LEMD3: variants seen among roughly 807,000 people sequenced by gnomAD.
LEMD3 encodes the protein LEM domain containing 3.
A neutral mutation model predicts 95.2 loss-of-function variants in LEMD3; 33 were observed. The ratio of observed to expected loss-of-function variants is 0.35; its 90% CI spans 0.26 to 0.46. LEMD3 has a LOEUF of 0.46. Among genes scored for constraint, LEMD3 ranks in the 20% least tolerant of loss-of-function variants. The pLI is 1.00. For missense variants in LEMD3, 1,210 were observed against 1,192.8 expected, an observed-to-expected ratio of 1.01 and a Z score of -0.21; for synonymous variants, 525 against 474.6, an observed-to-expected ratio of 1.11 and a Z score of -1.38.
intron 1 of LEMD3, among the ~76,000 whole-genome samples, chr12:65,176,694 A>G (rs559215257): frequency 4.6e-5 from 7 of 152,342 alleles, no homozygotes; most frequent in Middle Eastern, 6.8e-3. Context: ...AGACTATACT[A>G]GAGATATAAT....
intron 2 of LEMD3, among the ~76,000 whole-genome samples, chr12:65,211,557 AATTAGTT>A (rs1869940360): frequency 6.6e-6 from 1 of 152,198 alleles, no homozygotes; most frequent in African/African-American, 2.4e-5. Context: ...TTAAGCTTGT[AATTAGTT>A]ATTAATTTTT....
chr12:65,245,461 G>A, intron 10 of LEMD3: 1 of 541,360 alleles, frequency 1.8e-6, no homozygotes, highest in Non-Finnish European at 3.3e-6. Context: ...TCTTTTACTG[G>A]AAAGTGGGAG....
chr12:65,245,820 T>C, intron 11 of LEMD3, 41 bp from the exon 12 acceptor site: 1 of 1,598,522 alleles, frequency 6.3e-7, no homozygotes, highest in African/African-American at 1.3e-5. Context: ...GATTTGTTGC[T>C]ATTAAACTAA....
At chr12:65,172,753 G>T (rs1356888208) in intron 1 of LEMD3, among the ~76,000 whole-genome samples, 1 of 147,356 alleles carries the variant, frequency 6.8e-6, no homozygotes, top group East Asian at 2.1e-4. Flanking sequence ...TTTAGACAGA[G>T]TCTAGCTCTG....
At chr12:65,246,060 CTTTA>C (rs902065934) in intron 12 of LEMD3, 98 bp from the exon 13 acceptor site, 25 of 1,254,414 alleles carry the variant, frequency 2.0e-5, no homozygotes, top group East Asian at 1.4e-4. Context: ...TTTTAGATGA[CTTTA>C]TTTATGTTTT....
At chr12:65,187,376 A>T (rs986446726) in intron 1 of LEMD3, among the ~76,000 whole-genome samples, 4 of 152,000 alleles carry the variant, frequency 2.6e-5, no homozygotes. Flanking sequence ...GTCTCTCAGT[A>T]CTGTGCTAAG....
intron 1 of LEMD3, among the ~76,000 whole-genome samples, chr12:65,196,573 A>G (rs566843204): frequency 1.3e-5 from 2 of 152,200 alleles, no homozygotes; most frequent in African/African-American, 4.8e-5. Flanking sequence ...CCCATGATTC[A>G]CAGCCTTCTC....
chr12:65,244,455 CCTCT>C (rs1871035471), intron 10 of LEMD3, among the ~76,000 whole-genome samples: 1 of 152,126 alleles, frequency 6.6e-6, no homozygotes. Flanking sequence ...AAGTCACTTT[CCTCT>C]CTCTCCTGCC....
intron 1 of LEMD3, among the ~76,000 whole-genome samples, chr12:65,174,642 C>A (rs1410995827): frequency 6.6e-6 from 1 of 151,908 alleles, no homozygotes; most frequent in Admixed American, 6.6e-5. Context: ...GTAAATACAT[C>A]TCTGTGTGTG....
chr12:65,244,267 GCA>G lies in LEMD3; in HGVS notation c.2387+816_2387+817del, dbSNP rs200532626. Among the ~76,000 whole-genome samples the G allele has an allele frequency of 3.6e-3, 507 of 142,476 alleles. 14 individuals carry two copies. Among genetic ancestry groups the G allele is most frequent in the African/African-American group, 0.013 (467 of 35,654 alleles). The allele number at this position is 142,476 out of a possible 152,430, so 93.5% of individuals were successfully genotyped here. On this transcript the variant is annotated intron_variant, in intron 10 of 12. Coordinates refer to ENST00000308330, the MANE Select transcript of LEMD3 (RefSeq NM_014319.5). The stretch of plus-strand genomic sequence containing the variant: ...CACACGTGTTTGCACGTGGGCACGC[GCA>G]CACACACACACACACACCCCCCCCA...
chr12:65,223,854 A>G (rs1468029108), intron 4 of LEMD3, among the ~76,000 whole-genome samples: 2 of 119,158 alleles, frequency 1.7e-5, no homozygotes, highest in Non-Finnish European at 3.5e-5. Flanking sequence ...TTTTGTAGTG[A>G]CAAGCTGTGA....
At chr12:65,222,887 C>T (rs890909543) in intron 4 of LEMD3, among the ~76,000 whole-genome samples, 3 of 151,726 alleles carry the variant, frequency 2.0e-5, no homozygotes, top group Admixed American at 2.0e-4. Flanking sequence ...TTGATTTCTG[C>T]TTTGATCCAA....
intron 1 of LEMD3, among the ~76,000 whole-genome samples, chr12:65,176,094 T>G (rs1266699221): frequency 5.9e-5 from 9 of 152,218 alleles, no homozygotes; most frequent in Admixed American, 5.9e-4. Context: ...TTCAGTAACC[T>G]AAAATGGTGT....
intron 4 of LEMD3, among the ~76,000 whole-genome samples, chr12:65,222,648 A>G (rs1462673541): frequency 1.3e-5 from 2 of 151,904 alleles, no homozygotes; most frequent in African/African-American, 4.8e-5. Flanking sequence ...TATTTAATTT[A>G]TTTTTGCTCC....
At chr12:65,241,116 A>T (rs1277313190) in intron 9 of LEMD3, 29 bp downstream of exon 9, 2 of 1,587,746 alleles carry the variant, frequency 1.3e-6, no homozygotes, top group South Asian at 2.2e-5. Context: ...CAAAAAAGTA[A>T]TTTTCTTCTA....
At chr12:65,235,400 C>T (rs562387277) in intron 4 of LEMD3, among the ~76,000 whole-genome samples, 46 of 152,178 alleles carry the variant, frequency 3.0e-4, no homozygotes, top group African/African-American at 1.1e-3. Flanking sequence ...CTTGTATCCT[C>T]ATTCTTGTGC....
intron 1 of LEMD3, among the ~76,000 whole-genome samples, chr12:65,172,504 T>A (rs1868583033): frequency 6.6e-6 from 1 of 152,182 alleles, no homozygotes; most frequent in South Asian, 2.1e-4. Flanking sequence ...ACTCTGTTGC[T>A]TAATTACAGG....
chr12:65,176,811 AGATG>A (rs918237222), intron 1 of LEMD3, among the ~76,000 whole-genome samples: 1 of 152,244 alleles, frequency 6.6e-6, no homozygotes, highest in Non-Finnish European at 1.5e-5. Context: ...ATCTCTTAGT[AGATG>A]GAAGTCACAT....
intron 8 of LEMD3, 72 bp from the exon 9 acceptor site, chr12:65,240,837 C>T: frequency 1.5e-6 from 2 of 1,339,894 alleles, no homozygotes; most frequent in African/African-American, 1.4e-5. Flanking sequence ...TAACTATTAC[C>T]TCAGATACTA....
Sources: allele counts gnomAD v4.1 joint callset (sites outside exome capture counted in the v4.1 genomes callset), GRCh38; gene constraint gnomAD v4.1.1; transcripts MANE v1.5; gene names NCBI Gene and HGNC (gene_info 2026-07-23, HGNC 2026-07-21).